Variants in PREX2 observed in about 807,000 individuals in gnomAD.
PREX2 encodes phosphatidylinositol 3,4,5-trisphosphate-dependent Rac exchanger 2 protein.
In PREX2, 107 loss-of-function variants were observed where a neutral mutation model predicts 203.2. The ratio of observed to expected loss-of-function variants is 0.53; its 90% CI spans 0.45 to 0.62. The LOEUF is 0.62. Ranked by LOEUF, PREX2 falls within the 20% of genes least tolerant of loss-of-function variation. PREX2 has a pLI of 0.00. For synonymous variants in PREX2, 672 were observed against 663.6 expected (o/e 1.01, Z -0.19); for missense variants, 1,777 against 1,955.9 (o/e 0.91, Z 1.72).
chr8:68,099,382 G>A (rs1164007162), intron 22 of PREX2, among the ~76,000 whole-genome samples: 1 of 152,024 alleles, frequency 6.6e-6, no homozygotes, highest in Non-Finnish European at 1.5e-5. Context: ...GTATCCAGCA[G>A]GGAGTCTTTG....
At chr8:68,191,668 A>T (rs1446333182) in intron 35 of PREX2, 54 bp from the exon 36 acceptor site, 4 of 1,240,876 alleles carry the variant, frequency 3.2e-6, no homozygotes, top group Non-Finnish European at 4.7e-6. Context: ...ATCTTCATGC[A>T]TATTATGTCT....
chr8:68,171,778 A>G (rs1269563419), intron 35 of PREX2, among the ~76,000 whole-genome samples: 5 of 152,186 alleles, frequency 3.3e-5, no homozygotes, highest in Non-Finnish European at 7.3e-5. Context: ...ACCTGAAACC[A>G]CAAGAGTATA....
At chr8:67,997,355 T>A (rs555857563) in intron 1 of PREX2, among the ~76,000 whole-genome samples, 2 of 152,174 alleles carry the variant, frequency 1.3e-5, no homozygotes, top group Non-Finnish European at 2.9e-5. Flanking sequence ...TGTTTCCCCC[T>A]GTCCCTGTGC....
At chr8:68,180,843 G>A (rs1343874800) in intron 35 of PREX2, among the ~76,000 whole-genome samples, 6 of 152,076 alleles carry the variant, frequency 3.9e-5, no homozygotes, top group African/African-American at 1.4e-4. Context: ...ATTTGGAAGT[G>A]GGATTAGCAG....
intron 1 of PREX2, among the ~76,000 whole-genome samples, chr8:67,969,186 G>A (rs1805856660): frequency 6.6e-6 from 1 of 152,036 alleles, no homozygotes; most frequent in Non-Finnish European, 1.5e-5. Flanking sequence ...GAGTGAGGCC[G>A]CGTTTAGAGT....
At chr8:68,107,577 A>G (rs967004428) in intron 23 of PREX2, among the ~76,000 whole-genome samples, 3 of 152,150 alleles carry the variant, frequency 2.0e-5, no homozygotes, top group African/African-American at 7.2e-5. Context: ...TGGGAAACAG[A>G]CTTGTCCTGC....
At chr8:68,164,585 C>CTTTTTTTTTTTTTTTTT (rs755033458) in intron 35 of PREX2, among the ~76,000 whole-genome samples, 3 of 135,264 alleles carry the variant, frequency 2.2e-5, no homozygotes, top group African/African-American at 5.4e-5. Flanking sequence ...TTTCTTTTTT[C>CTTTTTTTTTTTTTTTTT]TTTTTTTTTT....
intron 35 of PREX2, among the ~76,000 whole-genome samples, chr8:68,182,810 A>C (rs1156933939): frequency 6.6e-6 from 1 of 151,840 alleles, no homozygotes; most frequent in African/African-American, 2.4e-5. Flanking sequence ...AGCACAAGGA[A>C]CAGGATGAGT....
chr8:68,097,001 G>A lies in PREX2; in HGVS notation c.2369-16G>A. ...TCCTTCATGAATTTACTGAGTTACA[G>A]TTGTCTTTGTTCCAGAGGTTATTGA... On this transcript the variant is annotated splice_polypyrimidine_tract_variant and intron_variant, in intron 21 of 39. Transcript: ENST00000288368. The A allele has an allele frequency of 1.2e-6, 2 of 1,604,862 alleles. No homozygotes were observed. Among genetic ancestry groups the A allele is most frequent in the South Asian group, 1.1e-5 (1 of 90,434 alleles).
intron 35 of PREX2, among the ~76,000 whole-genome samples, chr8:68,159,803 T>C (rs1404763337): frequency 6.6e-6 from 1 of 152,216 alleles, no homozygotes; most frequent in African/African-American, 2.4e-5. Flanking sequence ...CAGATTTTTG[T>C]TGAATTTATA....
intron 10 of PREX2, among the ~76,000 whole-genome samples, chr8:68,057,512 C>T (rs1411595231): frequency 1.3e-5 from 2 of 152,134 alleles, no homozygotes; most frequent in African/African-American, 4.8e-5. Flanking sequence ...TAAGAGTGAT[C>T]CTCCCACCAG....
At chr8:68,187,771 A>T (rs747871132) in intron 35 of PREX2, among the ~76,000 whole-genome samples, 1 of 152,286 alleles carries the variant, frequency 6.6e-6, no homozygotes, top group South Asian at 2.1e-4. Context: ...ATATGAGGAT[A>T]GGAAATGCAA....
At chr8:68,113,390 G>A (rs1810573735) in intron 25 of PREX2, among the ~76,000 whole-genome samples, 1 of 152,100 alleles carries the variant, frequency 6.6e-6, no homozygotes, top group African/African-American at 2.4e-5. Flanking sequence ...TCCCTCTTTG[G>A]TATTCAGAGT....
chr8:67,997,450 G>A (rs1037135941), intron 1 of PREX2, among the ~76,000 whole-genome samples: 2 of 152,126 alleles, frequency 1.3e-5, no homozygotes, highest in East Asian at 3.8e-4. Context: ...AGTTATACTA[G>A]GGATAAAGGG....
At chr8:68,138,622 G>A in intron 33 of PREX2, 105 bp downstream of exon 33, 1 of 525,394 alleles carries the variant, frequency 1.9e-6, no homozygotes, top group Non-Finnish European at 3.4e-6. Context: ...CTGAATGATT[G>A]AAATGTATCC....
At position 68,119,596 on chromosome 8, in the gene PREX2, A is replaced by G. The variant is rs1010275873; in HGVS notation, c.3504+82A>G. 38 of 1,003,924 alleles carry G rather than the reference A, an allele frequency of 3.8e-5. No homozygotes were observed. The East Asian group carries it at 6.2e-4, about 16-fold the overall frequency. The allele number at this position is 1,003,924 out of a possible 1,614,324, so 62.2% of individuals were successfully genotyped here. A position where few individuals can be genotyped will look rare whatever the true frequency, so the allele number is the denominator to read the frequency against. ...TTTTCATATGCAGTAAAAGGAGCTC[A>G]GAGTTAGAACAGAAAGGCCTCAATC... is the stretch of plus-strand genomic sequence containing the variant. On this transcript the variant is annotated intron_variant, in intron 28 of 39. Coordinates refer to ENST00000288368, the MANE Select transcript of PREX2 (RefSeq NM_024870.4).
chr8:68,021,960 C>A, intron 3 of PREX2, 76 bp from the exon 4 acceptor site: 1 of 738,516 alleles, frequency 1.4e-6, no homozygotes, highest in Non-Finnish European at 2.4e-6. Flanking sequence ...AGTGAAGTTT[C>A]TTTAAGCATA....
At chr8:68,192,125 A>G (rs1812307289) in intron 36 of PREX2, among the ~76,000 whole-genome samples, 1 of 152,218 alleles carries the variant, frequency 6.6e-6, no homozygotes. Flanking sequence ...GAATCCATGC[A>G]AAGGATTGCA....
intron 33 of PREX2, among the ~76,000 whole-genome samples, chr8:68,139,224 G>C (rs1811171999): frequency 6.6e-6 from 1 of 152,136 alleles, no homozygotes; most frequent in Non-Finnish European, 1.5e-5. Flanking sequence ...ACCAATGAAG[G>C]GGCAGATGGA....
Sources: allele counts gnomAD v4.1 joint callset (sites outside exome capture counted in the v4.1 genomes callset), GRCh38; gene constraint gnomAD v4.1.1; transcripts MANE v1.5; gene names NCBI Gene and HGNC (gene_info 2026-07-23, HGNC 2026-07-21).